TUNAR: variants seen among roughly 807,000 people sequenced by gnomAD.
TUNAR encodes the protein transmembrane neural differentiation associated intracellular calcium regulator, also known as protein TUNAR.
In TUNAR at chr14:95,884,573, G is replaced by T. The variant is rs540293748; in HGVS notation, c.12+7396G>T. Among the ~76,000 whole-genome samples, 7 of 152,242 alleles carry T rather than the reference G, an allele frequency of 4.6e-5. No homozygotes were observed. The East Asian group carries it at 1.4e-3, about 30-fold the overall frequency. ...AGTAAATTTAGAAGCAGCTCTTTAA[G>T]TCTAGGCACCGTGTTACAGGGTGAC... is the stretch of plus-strand genomic sequence containing the variant. On this transcript the variant is annotated intron_variant, in intron 2 of 2. Transcript: ENST00000678517.
rs77584980 is a variant in TUNAR at position 95,882,930 on chromosome 14, G to A, written c.12+5753G>A. ...AAGTGAATGCCCCTGAGAGCATCACGTGCAAGTTTAAAATGATTTATGAAT... is the reference window on the plus strand; with the variant it reads ...AAGTGAATGCCCCTGAGAGCATCACATGCAAGTTTAAAATGATTTATGAAT... On this transcript the variant is annotated intron_variant, in intron 2 of 2. Coordinates refer to ENST00000678517, the Ensembl canonical transcript of TUNAR. Among the ~76,000 whole-genome samples, 1,326 of 152,274 alleles carry A rather than the reference G, an allele frequency of 8.7e-3. 17 individuals carry two copies. Among genetic ancestry groups the A allele is most frequent in the African/African-American group, 0.03 (1,256 of 41,536 alleles).
At chr14:95,893,449 C>T (rs1040947375) in intron 2 of TUNAR, among the ~76,000 whole-genome samples, 1 of 152,100 alleles carries the variant, frequency 6.6e-6, no homozygotes, top group African/African-American at 2.4e-5. Context: ...AAGGGGCCGC[C>T]CTCACTCCTT....
chr14:95,919,920 G>T (rs1435122690), intron 2 of TUNAR, among the ~76,000 whole-genome samples: 1 of 152,136 alleles, frequency 6.6e-6, no homozygotes, highest in Non-Finnish European at 1.5e-5. Context: ...GAAATATTGG[G>T]AAAGATGTAT....
At chr14:95,907,627 C>CAATGGGT (rs1261217746) in intron 2 of TUNAR, among the ~76,000 whole-genome samples, 4 of 152,182 alleles carry the variant, frequency 2.6e-5, no homozygotes, top group African/African-American at 4.8e-5. Context: ...CTGAGTGTTA[C>CAATGGGT]AACAGCTCAG....
At chr14:95,922,938 T>C (rs1889719771) in exon 3 of TUNAR, 1 of 398,926 alleles carries the variant, frequency 2.5e-6, no homozygotes, top group African/African-American at 2.1e-5. Context: ...ATTGTGATCA[T>C]ATTTGTCTAC....
At chr14:95,907,206 G>C (rs1349707761) in intron 2 of TUNAR, among the ~76,000 whole-genome samples, 1 of 152,158 alleles carries the variant, frequency 6.6e-6, no homozygotes, top group Non-Finnish European at 1.5e-5. Context: ...CTATATCTGA[G>C]CATTTAGGTT....
At chr14:95,904,585 G>T (rs571367660) in intron 2 of TUNAR, among the ~76,000 whole-genome samples, 1 of 152,200 alleles carries the variant, frequency 6.6e-6, no homozygotes, top group Non-Finnish European at 1.5e-5. Context: ...GCCAGAGGCC[G>T]AGTCCTAAGA....
chr14:95,916,400 G>A (rs187908040), intron 2 of TUNAR, among the ~76,000 whole-genome samples: 298 of 152,216 alleles, frequency 2.0e-3, no homozygotes, highest in Non-Finnish European at 3.3e-3. Context: ...TTTGCAACGC[G>A]CTTTTGCACT....
At chr14:95,879,723 A>G (rs1393636465) in intron 2 of TUNAR, among the ~76,000 whole-genome samples, 1 of 143,510 alleles carries the variant, frequency 7.0e-6, no homozygotes, top group Non-Finnish European at 1.5e-5. Flanking sequence ...TTTTTTCTGT[A>G]AGATCTCTAA....
intron 2 of TUNAR, among the ~76,000 whole-genome samples, chr14:95,913,142 C>CTTTTT (rs58500125): frequency 0.16 from 21,487 of 135,994 alleles, 2,031 homozygotes; most frequent in South Asian, 0.27. Context: ...ATTTTCTTTC[C>CTTTTT]TTTTTTTTTT....
At chr14:95,890,854 T>C (rs1889167682) in intron 2 of TUNAR, among the ~76,000 whole-genome samples, 1 of 152,260 alleles carries the variant, frequency 6.6e-6, no homozygotes, top group Admixed American at 6.5e-5. Context: ...CAGAGTATTC[T>C]TGGTTTTCCC....
At chr14:95,906,778 A>T (rs1174177276) in intron 2 of TUNAR, among the ~76,000 whole-genome samples, 2 of 152,228 alleles carry the variant, frequency 1.3e-5, no homozygotes, top group Non-Finnish European at 2.9e-5. Flanking sequence ...GACATATGAA[A>T]GACATGCTAA....
In TUNAR at chr14:95,907,663, C is replaced by G. The variant is rs529639645; in HGVS notation, c.13-15118C>G. 1.4e-4 allele frequency among the ~76,000 whole-genome samples: 22 copies of G among 152,298 alleles called. No homozygotes were observed. In the South Asian group the frequency reaches 4.4e-3, roughly 30 times the overall value. On this transcript the variant is annotated intron_variant, in intron 2 of 2. Coordinates refer to ENST00000678517, the Ensembl canonical transcript of TUNAR. Reference sequence around the variant, plus strand: ...AGGAGATCTGCAATGGGTAGCTCCTCTCTGTAGGCAGGTCATCCCATTGAG... The same window carrying G: ...AGGAGATCTGCAATGGGTAGCTCCTGTCTGTAGGCAGGTCATCCCATTGAG...
intron 2 of TUNAR, among the ~76,000 whole-genome samples, chr14:95,914,418 C>G (rs1020034421): frequency 1.1e-4 from 17 of 152,102 alleles, no homozygotes; most frequent in African/African-American, 3.6e-4. Flanking sequence ...TGTGGTGACC[C>G]CAAAGTGAAG....
intron 2 of TUNAR, among the ~76,000 whole-genome samples, chr14:95,909,351 T>C (rs991276497): frequency 6.7e-6 from 1 of 148,230 alleles, no homozygotes; most frequent in African/African-American, 2.5e-5. Context: ...TGGCACGATC[T>C]CGGCTCACTA....
intron 2 of TUNAR, among the ~76,000 whole-genome samples, chr14:95,909,069 CAG>C (rs941994422): frequency 1.3e-5 from 2 of 152,248 alleles, no homozygotes; most frequent in Admixed American, 6.5e-5. Flanking sequence ...TCTGGACTAA[CAG>C]AATTAACTTT....
At chr14:95,884,604 A>C (rs1325598488) in intron 2 of TUNAR, among the ~76,000 whole-genome samples, 1 of 152,188 alleles carries the variant, frequency 6.6e-6, no homozygotes, top group Non-Finnish European at 1.5e-5. Context: ...GTGACTCATC[A>C]TGGGACTGCA....
At chr14:95,915,329 G>T (rs1404075503) in intron 2 of TUNAR, among the ~76,000 whole-genome samples, 1 of 152,154 alleles carries the variant, frequency 6.6e-6, no homozygotes, top group Non-Finnish European at 1.5e-5. Flanking sequence ...TTTAAAAAGG[G>T]CAAAAGTCAG....
At chr14:95,880,482 C>T (rs1432412858) in intron 2 of TUNAR, among the ~76,000 whole-genome samples, 1 of 152,096 alleles carries the variant, frequency 6.6e-6, no homozygotes, top group Non-Finnish European at 1.5e-5. Flanking sequence ...ATGACCCTCT[C>T]TAGGATCCAT....
Sources: gnomAD v4.1 joint callset for allele counts (sites outside exome capture counted in the v4.1 genomes callset) on GRCh38, gnomAD v4.1.1 for gene constraint, MANE v1.5 for transcripts, NCBI Gene and HGNC (gene_info 2026-07-23, HGNC 2026-07-21) for gene names.